Variants in PLPPR1 observed in about 807,000 individuals in gnomAD.
PLPPR1 encodes phospholipid phosphatase-related protein type 1.
A neutral mutation model predicts 33.1 loss-of-function variants in PLPPR1; 10 were observed. The observed-to-expected ratio is 0.30, with a 90% CI of 0.19 to 0.51. The LOEUF is 0.51. Ranked by LOEUF, PLPPR1 falls within the 20% of genes least tolerant of loss-of-function variation. The pLI, the probability that PLPPR1 is intolerant of heterozygous loss-of-function variation, is 0.97. For synonymous variants in PLPPR1, 151 were observed against 151.0 expected (o/e 1.00, Z 0.00); for missense variants, 304 against 408.1 (o/e 0.74, Z 2.20).
chr9:101,323,511 T>C (rs1210203626), intron 7 of PLPPR1, among the ~76,000 whole-genome samples: 3 of 149,278 alleles, frequency 2.0e-5, no homozygotes, highest in Non-Finnish European at 3.0e-5. Context: ...GAAGTTATCC[T>C]ATTTTGGATG....
At chr9:101,288,616 T>C (rs1828437653) in intron 4 of PLPPR1, among the ~76,000 whole-genome samples, 3 of 152,348 alleles carry the variant, frequency 2.0e-5, no homozygotes, top group African/African-American at 7.2e-5. Flanking sequence ...CTTTTGTTTT[T>C]TATGACTCTA....
At chr9:101,293,995 A>G (rs937088363) in intron 4 of PLPPR1, among the ~76,000 whole-genome samples, 1 of 152,226 alleles carries the variant, frequency 6.6e-6, no homozygotes, top group Non-Finnish European at 1.5e-5. Flanking sequence ...AAACCCTTCA[A>G]AAAATTAATG....
chr9:101,296,206 C>T (rs1173479698), intron 4 of PLPPR1, among the ~76,000 whole-genome samples: 2 of 151,298 alleles, frequency 1.3e-5, no homozygotes, highest in Non-Finnish European at 3.0e-5. Flanking sequence ...AAATGCTCAC[C>T]ATCACTGGCC....
intron 1 of PLPPR1, among the ~76,000 whole-genome samples, chr9:101,119,462 T>C (rs763487616): frequency 2.0e-5 from 3 of 152,160 alleles, no homozygotes; most frequent in South Asian, 2.1e-4. Flanking sequence ...CTGGAGGTGA[T>C]GGAACTATCA....
chr9:101,260,314 G>A (rs992794380), intron 2 of PLPPR1, among the ~76,000 whole-genome samples: 2 of 152,106 alleles, frequency 1.3e-5, no homozygotes, highest in Admixed American at 6.6e-5. Context: ...CCTTAGGATG[G>A]TTAACTCTTT....
intron 1 of PLPPR1, among the ~76,000 whole-genome samples, chr9:101,132,000 C>A (rs930146068): frequency 2.6e-5 from 4 of 152,198 alleles, no homozygotes; most frequent in African/African-American, 4.8e-5. Context: ...TGGCTTATAG[C>A]AAGTGCTGTA....
chr9:101,274,574 C>G (rs1455925532), intron 3 of PLPPR1, among the ~76,000 whole-genome samples: 4 of 152,198 alleles, frequency 2.6e-5, no homozygotes, highest in Non-Finnish European at 4.4e-5. Context: ...AGCAGCAAGA[C>G]AGAAAACAGA....
At chr9:101,194,516 G>A (rs548009368) in intron 2 of PLPPR1, among the ~76,000 whole-genome samples, 17 of 152,114 alleles carry the variant, frequency 1.1e-4, no homozygotes, top group Non-Finnish European at 1.5e-4. Context: ...TTGGGAGGCC[G>A]AGGTGGGCAG....
At chr9:101,236,217 A>C (rs2118832334) in intron 2 of PLPPR1, among the ~76,000 whole-genome samples, 1 of 151,886 alleles carries the variant, frequency 6.6e-6, no homozygotes, top group South Asian at 2.1e-4. Context: ...AAACTATAGC[A>C]TCTATCTTTA....
At chr9:101,149,692 CA>C in intron 1 of PLPPR1, among the ~76,000 whole-genome samples, 1 of 152,062 alleles carries the variant, frequency 6.6e-6, no homozygotes, top group Non-Finnish European at 1.5e-5. Flanking sequence ...AGTCAGAAGC[CA>C]ATAGAAGTTT....
intron 1 of PLPPR1, among the ~76,000 whole-genome samples, chr9:101,171,309 T>C (rs905816026): frequency 2.6e-5 from 4 of 152,146 alleles, no homozygotes; most frequent in Admixed American, 6.6e-5. Context: ...TGAGGAAACC[T>C]GGAATTACCC....
intron 1 of PLPPR1, among the ~76,000 whole-genome samples, chr9:101,162,338 A>G (rs1023084180): frequency 3.3e-5 from 5 of 152,130 alleles, no homozygotes; most frequent in Admixed American, 6.6e-5. Flanking sequence ...GTCCTAACAC[A>G]GAATTGATGT....
chr9:101,279,740 A>G (rs1027488826), intron 3 of PLPPR1, among the ~76,000 whole-genome samples: 1 of 152,172 alleles, frequency 6.6e-6, no homozygotes, highest in Admixed American at 6.5e-5. Context: ...ATAAGAAAGA[A>G]GTTAAGAAAT....
intron 1 of PLPPR1, among the ~76,000 whole-genome samples, chr9:101,096,891 C>A (rs1398770076): frequency 6.6e-6 from 1 of 151,546 alleles, no homozygotes; most frequent in East Asian, 1.9e-4. Flanking sequence ...ATAGTGAGAC[C>A]CCATCTCTAC....
intron 2 of PLPPR1, among the ~76,000 whole-genome samples, chr9:101,189,224 G>A (rs1277529669): frequency 2.0e-5 from 3 of 152,082 alleles, no homozygotes; most frequent in Non-Finnish European, 4.4e-5. Context: ...CCAGAAAGTG[G>A]AACAATCTGA....
At chr9:101,157,868 G>C (rs1020759433) in intron 1 of PLPPR1, among the ~76,000 whole-genome samples, 2 of 152,022 alleles carry the variant, frequency 1.3e-5, no homozygotes, top group Admixed American at 1.3e-4. Flanking sequence ...GCTGGGCCTG[G>C]TTGTATATGC....
intron 1 of PLPPR1, among the ~76,000 whole-genome samples, chr9:101,110,750 G>A (rs987142974): frequency 4.6e-5 from 7 of 152,082 alleles, no homozygotes; most frequent in African/African-American, 1.2e-4. Context: ...AGTGCAGGGT[G>A]GCATGGAGGA....
chr9:101,255,545 G>A (rs578056992), intron 2 of PLPPR1, among the ~76,000 whole-genome samples: 2,830 of 152,230 alleles, frequency 0.019, 35 homozygotes, highest in Middle Eastern at 0.086. Flanking sequence ...TAACTTTATT[G>A]AAGAGTTAGT....
chr9:101,227,580 T>G (rs183116904), intron 2 of PLPPR1, among the ~76,000 whole-genome samples: 65 of 152,322 alleles, frequency 4.3e-4, no homozygotes, highest in African/African-American at 1.4e-3. Context: ...TCTCCCATTC[T>G]GTATGTTGCC....
Sources: gnomAD v4.1 joint callset for allele counts (sites outside exome capture counted in the v4.1 genomes callset) on GRCh38, gnomAD v4.1.1 for gene constraint, MANE v1.5 for transcripts, NCBI Gene and HGNC (gene_info 2026-07-23, HGNC 2026-07-21) for gene names.